The following SND1 variants were observed in gnomAD, a reference collection of about 807,000 sequenced individuals.
SND1 encodes the protein staphylococcal nuclease domain-containing protein 1.
Under a neutral mutation model 121.7 loss-of-function variants are expected in SND1, and 38 were observed. The ratio of observed to expected loss-of-function variants is 0.31; its 90% CI spans 0.24 to 0.41. SND1 has a LOEUF of 0.41. Ranked by LOEUF, SND1 falls within the 10% of genes least tolerant of loss-of-function variation. The pLI, the probability that SND1 is intolerant of heterozygous loss-of-function variation, is 1.00. For missense variants in SND1, 868 were observed against 1,184.6 expected (o/e 0.73, Z 3.92); for synonymous variants, 401 against 447.4 (o/e 0.90, Z 1.31).
At chr7:128,030,411 G>A in intron 16 of SND1, 1 of 1,613,862 alleles carries the variant, frequency 6.2e-7, no homozygotes, top group Non-Finnish European at 8.5e-7. Flanking sequence ...GAGGTACCGG[G>A]TGTTCGAGGG....
At chr7:127,928,176 C>A (rs909093350) in intron 14 of SND1, 1 of 152,032 alleles carries the variant, frequency 6.6e-6, no homozygotes, top group Non-Finnish European at 1.5e-5. Context: ...TGTGTTGATG[C>A]ACCAAAAAAG....
chr7:128,019,687 T>C (rs1474399993), intron 16 of SND1, among the ~76,000 whole-genome samples: 1 of 152,268 alleles, frequency 6.6e-6, no homozygotes, highest in African/African-American at 2.4e-5. Context: ...AGCACTGTTC[T>C]TTTAGAATGT....
rs1383637309 is a variant in SND1, at chr7:127,952,685, T to TAACAA, written c.1669+23356_1669+23357insAACAA. ...TTTTTGACATGACAGTTAACAACAATCTAGATTATCTCTGAAGTTGCTTAT... is the reference window on the plus strand; with the variant it reads ...TTTTTGACATGACAGTTAACAACAATAACAACTAGATTATCTCTGAAGTTGCTTAT... On this transcript the variant is annotated intron_variant, in intron 15 of 23. Coordinates refer to ENST00000354725, the MANE Select transcript of SND1 (RefSeq NM_014390.4). Among the ~76,000 whole-genome samples the TAACAA allele has an allele frequency of 1.4e-3, 217 of 152,320 alleles. 1 individual carries two copies. Among genetic ancestry groups the TAACAA allele is most frequent in the Non-Finnish European group, 2.5e-3 (170 of 68,028 alleles).
chr7:128,056,287 G>A (rs2117028002), intron 16 of SND1, among the ~76,000 whole-genome samples: 1 of 152,302 alleles, frequency 6.6e-6, no homozygotes, highest in East Asian at 1.9e-4. Context: ...CTGGCTTTTG[G>A]ACAGAACCTG....
At chr7:127,655,156 A>T (rs1795189250) in intron 1 of SND1, among the ~76,000 whole-genome samples, 1 of 152,216 alleles carries the variant, frequency 6.6e-6, no homozygotes, top group East Asian at 1.9e-4. Flanking sequence ...TGAAGGTCTG[A>T]AATCGTCTAG....
chr7:127,723,958 C>T (rs1026188636), intron 10 of SND1, among the ~76,000 whole-genome samples: 1 of 152,194 alleles, frequency 6.6e-6, no homozygotes, highest in Non-Finnish European at 1.5e-5. Flanking sequence ...ATGTATTGTA[C>T]ATTGGCACTA....
chr7:127,880,154 G>A (rs1158038130), intron 12 of SND1, among the ~76,000 whole-genome samples: 2 of 152,182 alleles, frequency 1.3e-5, no homozygotes, highest in East Asian at 3.9e-4. Flanking sequence ...TTTCTCCACT[G>A]TATCCAGATT....
At chr7:127,943,979 G>A (rs371031933) in intron 15 of SND1, among the ~76,000 whole-genome samples, 17 of 152,186 alleles carry the variant, frequency 1.1e-4, no homozygotes, top group Admixed American at 2.0e-4. Flanking sequence ...GCTCGACTGC[G>A]TTCCCTCAGC....
At chr7:127,659,921 C>G (rs1349125834) in intron 1 of SND1, among the ~76,000 whole-genome samples, 1 of 151,956 alleles carries the variant, frequency 6.6e-6, no homozygotes, top group Non-Finnish European at 1.5e-5. Context: ...TTTAGGCATG[C>G]TGAAACAAAG....
chr7:127,754,531 A>G (rs1266882122), intron 10 of SND1, among the ~76,000 whole-genome samples: 1 of 152,210 alleles, frequency 6.6e-6, no homozygotes, highest in Non-Finnish European at 1.5e-5. Context: ...ATCATTTGTT[A>G]TATGGCATTT....
intron 10 of SND1, among the ~76,000 whole-genome samples, chr7:127,742,208 G>T (rs1211649376): frequency 2.0e-5 from 3 of 152,170 alleles, no homozygotes; most frequent in African/African-American, 7.2e-5. Flanking sequence ...AGCCAGAACT[G>T]ATGAGTCGAG....
intron 1 of SND1, among the ~76,000 whole-genome samples, chr7:127,662,531 C>CT (rs528795755): frequency 1.7e-3 from 260 of 152,214 alleles, no homozygotes; most frequent in African/African-American, 5.9e-3. Flanking sequence ...CCACTGGTAC[C>CT]TTTTTTGTAA....
At position 127,722,762 on chromosome 7, in the gene SND1, C is replaced by T. The variant is rs942798041; in HGVS notation, c.1152+1362C>T. 4.6e-5 allele frequency among the ~76,000 whole-genome samples: 7 copies of T among 152,080 alleles called. No homozygotes were observed. In the South Asian group the frequency reaches 6.2e-4, roughly 13 times the overall value. On this transcript the variant is annotated intron_variant, in intron 10 of 23. Coordinates refer to ENST00000354725, the MANE Select transcript of SND1 (RefSeq NM_014390.4). ...TGAATCAGATCATACATAAAAACCA[C>T]GTACAGGATGGGTGATTTGAATGTC...
At chr7:127,870,235 G>A (rs1243817129) in intron 12 of SND1, among the ~76,000 whole-genome samples, 2 of 152,180 alleles carry the variant, frequency 1.3e-5, no homozygotes, top group African/African-American at 4.8e-5. Context: ...TTACTGTGCA[G>A]TAATCTCCTA....
intron 14 of SND1, among the ~76,000 whole-genome samples, chr7:127,910,745 A>T (rs1800436359): frequency 6.6e-6 from 1 of 152,128 alleles, no homozygotes; most frequent in Non-Finnish European, 1.5e-5. Flanking sequence ...CCACTTGGCT[A>T]AAATCATGGC....
At chr7:127,850,925 A>G (rs1004035919) in intron 12 of SND1, among the ~76,000 whole-genome samples, 8 of 152,200 alleles carry the variant, frequency 5.3e-5, no homozygotes, top group Non-Finnish European at 7.4e-5. Flanking sequence ...ATAAAACACT[A>G]TAAGAAGGAA....
intron 16 of SND1, among the ~76,000 whole-genome samples, chr7:128,066,690 A>T (rs1584770583): frequency 6.6e-6 from 1 of 152,086 alleles, no homozygotes; most frequent in African/African-American, 2.4e-5. Context: ...AGTGGAGGGG[A>T]TGAGCTGGCT....
Position 128,052,399 on chromosome 7 carries a change from C to A in SND1, c.1780-22103C>A, listed in dbSNP as rs955237202. On this transcript the variant is annotated intron_variant, in intron 16 of 23. Transcript: ENST00000354725. The surrounding 1 kb of genome is among the most constrained non-coding windows in gnomAD (Gnocchi z 4.6). Reference sequence around the variant, plus strand: ...GTCTCTCCTCCCGTTTGTGACTCCACTTCATTGCCACAGCTTGTCTTCCCG... The same window carrying A: ...GTCTCTCCTCCCGTTTGTGACTCCAATTCATTGCCACAGCTTGTCTTCCCG... Among the ~76,000 whole-genome samples, 21 of 152,348 alleles carry A rather than the reference C, an allele frequency of 1.4e-4. No individual in the cohort carries two copies. Among genetic ancestry groups the A allele is most frequent in the Admixed American group, 8.5e-4 (13 of 15,300 alleles).
At chr7:127,661,333 T>G (rs918607041) in intron 1 of SND1, among the ~76,000 whole-genome samples, 2 of 152,164 alleles carry the variant, frequency 1.3e-5, no homozygotes, top group Non-Finnish European at 2.9e-5. Context: ...TTTCCTTCTG[T>G]TTGCATAGAT....
Sources: allele counts gnomAD v4.1 joint callset (sites outside exome capture counted in the v4.1 genomes callset), GRCh38; gene constraint gnomAD v4.1.1; non-coding constraint Gnocchi (gnomAD v3.1); transcripts MANE v1.5; gene names NCBI Gene and HGNC (gene_info 2026-07-23, HGNC 2026-07-21).